Variants in PDE4D observed in about 807,000 individuals in gnomAD.
The protein encoded by PDE4D is phosphodiesterase 4D, also known as 3',5'-cyclic-AMP phosphodiesterase 4D.
Under a neutral mutation model 87.4 loss-of-function variants are expected in PDE4D, and 24 were observed. The observed-to-expected ratio is 0.27, with a 90% CI of 0.20 to 0.39. The LOEUF (loss-of-function observed/expected upper bound fraction) is 0.39, where lower values mean the gene tolerates loss of function less well. Ranked by LOEUF, PDE4D falls within the 10% of genes least tolerant of loss-of-function variation. The probability of loss-of-function intolerance (pLI) is 1.00; values close to 1 mark genes in which losing one functional copy is unlikely to be tolerated. For synonymous variants in PDE4D, 384 were observed against 383.2 expected (o/e 1.00, Z -0.02); for missense variants, 714 against 1,041.0 (o/e 0.69, Z 4.32).
rs56100725 is a variant in PDE4D at position 59,502,663 on chromosome 5, AGTGTGTGTGTGTGTGTGTGTGTGT to A, written c.456-286719_456-286696del. 8.9e-5 allele frequency among the ~76,000 whole-genome samples: 12 copies of A among 135,252 alleles called. No homozygotes were observed. The East Asian group carries it at 1.7e-3, about 19-fold the overall frequency. 88.7% of individuals were successfully genotyped at this position (135,252 alleles called of 152,430 possible). A position where few individuals can be genotyped will look rare whatever the true frequency, so the allele number is the denominator to read the frequency against. On this transcript the variant is annotated intron_variant, in intron 1 of 14. Transcript: ENST00000340635. The stretch of plus-strand genomic sequence containing the variant: ...AGATAATTTCTTTATTCCTTAAGGT[AGTGTGTGTGTGTGTGTGTGTGTGT>A]GTGTGTGTGTGTGTGTGTGTGTGTA...
intron 1 of PDE4D, among the ~76,000 whole-genome samples, chr5:59,637,891 G>A (rs1740866073): frequency 6.6e-6 from 1 of 152,102 alleles, no homozygotes; most frequent in South Asian, 2.1e-4. Flanking sequence ...CTATAATAAG[G>A]TACTATTCTG....
At chr5:59,668,803 GAAA>G (rs1480455501) in intron 1 of PDE4D, among the ~76,000 whole-genome samples, 22 of 112,970 alleles carry the variant, frequency 1.9e-4, no homozygotes, top group Non-Finnish European at 3.2e-4. Context: ...AGAAGAAGAA[GAAA>G]GAAGAAGAAG....
chr5:59,617,628 A>T lies in PDE4D; in HGVS notation c.455+275540T>A, dbSNP rs1829858476. On this transcript the variant is annotated intron_variant, in intron 1 of 14. Coordinates refer to ENST00000340635, the MANE Select transcript of PDE4D (RefSeq NM_001104631.2). ...AGACAAACACGTACACAGAAGGAAC[A>T]CTATGTGAAGACTGGATGGATGCTG... Among the ~76,000 whole-genome samples, 4 of 152,208 alleles carry T rather than the reference A, an allele frequency of 2.6e-5. No homozygotes were observed. The South Asian group carries it at 8.3e-4, about 32-fold the overall frequency.
intron 1 of PDE4D, among the ~76,000 whole-genome samples, chr5:59,655,558 G>C (rs538130907): frequency 6.6e-5 from 10 of 152,154 alleles, no homozygotes; most frequent in Non-Finnish European, 1.0e-4. Context: ...TTCACCCTTA[G>C]AGCAGTCATT....
rs566020391 is a variant in PDE4D, at chr5:60,375,988, G to A, written c.-90+111954C>T. Among the ~76,000 whole-genome samples the A allele has an allele frequency of 3.9e-5, 6 of 152,252 alleles. No individual in the cohort carries two copies. The South Asian group carries it at 6.2e-4, about 16-fold the overall frequency. ...TGGGAGGCGGAGGTTGCAGTGAGCTGAGATCGCGCCACTGCACTCCAGCCT... is the reference window on the plus strand; with the variant it reads ...TGGGAGGCGGAGGTTGCAGTGAGCTAAGATCGCGCCACTGCACTCCAGCCT... On this transcript the variant is annotated intron_variant, in intron 1 of 16. Coordinates refer to the PDE4D transcript ENST00000502484.
intron 2 of PDE4D, among the ~76,000 whole-genome samples, chr5:60,185,081 T>TA (rs1210274584): frequency 1.3e-5 from 2 of 152,114 alleles, no homozygotes; most frequent in African/African-American, 4.8e-5. Flanking sequence ...AAAATGTTTT[T>TA]AAAAAAAGAT....
intron 1 of PDE4D, among the ~76,000 whole-genome samples, chr5:60,402,148 G>A (rs560463197): frequency 6.6e-6 from 1 of 152,310 alleles, no homozygotes; most frequent in South Asian, 2.1e-4. Flanking sequence ...TTCCAGCAAT[G>A]CCTGAAATAG....
At chr5:59,345,234 G>A (rs1779426006) in intron 1 of PDE4D, among the ~76,000 whole-genome samples, 1 of 152,086 alleles carries the variant, frequency 6.6e-6, no homozygotes, top group African/African-American at 2.4e-5. Context: ...ACAGGTTAAG[G>A]TGGTTTAGGA....
chr5:59,007,946 T>TC (rs1170709382), intron 6 of PDE4D, among the ~76,000 whole-genome samples: 3 of 152,134 alleles, frequency 2.0e-5, no homozygotes, highest in African/African-American at 7.2e-5. Flanking sequence ...ATGAGACTGA[T>TC]CTGATAGCTG....
chr5:60,200,297 T>A (rs1013558053), intron 1 of PDE4D, among the ~76,000 whole-genome samples: 1 of 151,624 alleles, frequency 6.6e-6, no homozygotes, highest in African/African-American at 2.4e-5. Flanking sequence ...TAAGTATAAA[T>A]CCAGGATATG....
intron 5 of PDE4D, among the ~76,000 whole-genome samples, chr5:59,142,313 C>T (rs1778010030): frequency 6.6e-6 from 1 of 152,108 alleles, no homozygotes; most frequent in South Asian, 2.1e-4. Flanking sequence ...ATAGAGTCTC[C>T]TAAATTGCTT....
intron 5 of PDE4D, among the ~76,000 whole-genome samples, chr5:59,118,065 G>C (rs1419760706): frequency 6.6e-6 from 1 of 152,162 alleles, no homozygotes; most frequent in Non-Finnish European, 1.5e-5. Context: ...ATAATAGCTA[G>C]CTATTTTGTA....
chr5:59,670,936 TG>T (rs1462152934), intron 1 of PDE4D, among the ~76,000 whole-genome samples: 1 of 152,166 alleles, frequency 6.6e-6, no homozygotes, highest in Admixed American at 6.5e-5. Flanking sequence ...CCCAAGTAGT[TG>T]GGATAACAGG....
intron 1 of PDE4D, among the ~76,000 whole-genome samples, chr5:59,357,242 C>A (rs1292507587): frequency 6.6e-6 from 1 of 152,058 alleles, no homozygotes; most frequent in Admixed American, 6.5e-5. Flanking sequence ...GTGGGTAAAC[C>A]TTTATATCAG....
chr5:59,944,262 A>G (rs1424692873), intron 3 of PDE4D, among the ~76,000 whole-genome samples: 2 of 152,080 alleles, frequency 1.3e-5, no homozygotes, highest in South Asian at 2.1e-4. Flanking sequence ...TCCTTTTTCT[A>G]TTTATTCCAG....
chr5:59,224,750 GTTC>G (rs1429425739), intron 1 of PDE4D, among the ~76,000 whole-genome samples: 1 of 152,168 alleles, frequency 6.6e-6, no homozygotes, highest in Admixed American at 6.5e-5. Flanking sequence ...TAGTGCTGGT[GTTC>G]TTATAAGAAC....
chr5:60,397,398 A>T (rs989339091), intron 1 of PDE4D, among the ~76,000 whole-genome samples: 2 of 152,366 alleles, frequency 1.3e-5, no homozygotes, highest in South Asian at 4.1e-4. Context: ...CTAAGTTTCC[A>T]TCAATGGATG....
chr5:59,968,605 C>G (rs976685511), intron 3 of PDE4D, among the ~76,000 whole-genome samples: 2 of 151,986 alleles, frequency 1.3e-5, no homozygotes, highest in Non-Finnish European at 2.9e-5. Context: ...AAGCTAGAAC[C>G]ATATAACAGC....
rs1277191501 is a variant in PDE4D at position 58,975,716 on chromosome 5, G to A, written c.1954C>T (p.Arg652Cys). 1.9e-6 allele frequency: 3 copies of A among 1,612,914 alleles called. No individual in the cohort carries two copies. Among genetic ancestry groups the A allele is most frequent in the Non-Finnish European group, 2.5e-6 (3 of 1,179,352 alleles). Residue 652 changes from arginine to cysteine, a missense_variant, in exon 14 of 15, where the codon CGT (arginine) becomes TGT (cysteine). By Grantham distance (180) the Arg-to-Cys change is radical. Coordinates refer to ENST00000340635, the MANE Select transcript of PDE4D (RefSeq NM_001104631.2). This position sits in a 1 kb window ranked among gnomAD's most constrained non-coding sequence, Gnocchi z 4.2. Reference protein sequence around the residue: ...FFRQGDRERERGMEISPMCDK... With the variant: ...FFRQGDRERECGMEISPMCDK... ...CACATGGGGCTTATCTCCATGCCAC[G>A]TTCCCTCTCTCGGTCTCCTTGGCGG...
Sources: allele counts gnomAD v4.1 joint callset (sites outside exome capture counted in the v4.1 genomes callset), GRCh38; gene constraint gnomAD v4.1.1; non-coding constraint Gnocchi (gnomAD v3.1); transcripts MANE v1.5; gene names NCBI Gene and HGNC (gene_info 2026-07-23, HGNC 2026-07-21).